The following HCRTR2 variants were observed in gnomAD, a reference collection of about 807,000 sequenced individuals.
HCRTR2 encodes hypocretin receptor 2.
HCRTR2 carries 22 observed loss-of-function variants against 49.0 expected under a neutral mutation model. The ratio of observed to expected loss-of-function variants is 0.45; its 90% CI spans 0.32 to 0.64. HCRTR2 has a LOEUF of 0.64. HCRTR2 is among the 30% of genes least tolerant of loss of function. The pLI is 0.04. For synonymous variants in HCRTR2, 236 were observed against 205.3 expected, an observed-to-expected ratio of 1.15 and a Z score of -1.28; for missense variants, 491 against 559.4, an observed-to-expected ratio of 0.88 and a Z score of 1.23.
At chr6:55,250,346 A>C (rs1766525721) in intron 2 of HCRTR2, among the ~76,000 whole-genome samples, 1 of 152,260 alleles carries the variant, frequency 6.6e-6, no homozygotes, top group East Asian at 1.9e-4. Context: ...TAGAGGCACT[A>C]GGAAAGTAAT....
chr6:55,183,448 C>G (rs1235586929), intron 1 of HCRTR2, among the ~76,000 whole-genome samples: 1 of 152,172 alleles, frequency 6.6e-6, no homozygotes. Flanking sequence ...TGAGGAGAGT[C>G]TGGAAATGAG....
At chr6:55,176,903 T>C (rs1765049800) in intron 1 of HCRTR2, among the ~76,000 whole-genome samples, 1 of 152,206 alleles carries the variant, frequency 6.6e-6, no homozygotes, top group African/African-American at 2.4e-5. Flanking sequence ...CAGTAATTTT[T>C]TTATGAATAG....
intron 4 of HCRTR2, among the ~76,000 whole-genome samples, chr6:55,270,534 C>G (rs955111622): frequency 2.0e-5 from 3 of 152,166 alleles, no homozygotes; most frequent in African/African-American, 7.2e-5. Context: ...TCTAGCTGCT[C>G]TAAAATCCCA....
chr6:55,150,752 T>G (rs193169073), intron 1 of HCRTR2, among the ~76,000 whole-genome samples: 1 of 152,020 alleles, frequency 6.6e-6, no homozygotes, highest in South Asian at 2.1e-4. Flanking sequence ...GAAATGGAGG[T>G]TGCTTCCATG....
intron 1 of HCRTR2, among the ~76,000 whole-genome samples, chr6:55,180,576 GT>G (rs5876429): frequency 0.26 from 39,964 of 152,066 alleles, 6,433 homozygotes; most frequent in Middle Eastern, 0.38. Flanking sequence ...TGTTCAGGGG[GT>G]TGACTCACTG....
upstream of HCRTR2, among the ~76,000 whole-genome samples, chr6:55,172,455 A>G (rs1263034329): frequency 6.6e-6 from 1 of 152,176 alleles, no homozygotes; most frequent in Non-Finnish European, 1.5e-5. Context: ...TGTATCACTA[A>G]GAGTGGAAAA....
intron 1 of HCRTR2, among the ~76,000 whole-genome samples, chr6:55,151,858 T>C (rs1317635353): frequency 6.6e-6 from 1 of 151,944 alleles, no homozygotes. Flanking sequence ...TGATGTTTTG[T>C]TAGCAGGCAT....
Position 55,277,385 on chromosome 6 carries a change from T to C in HCRTR2, c.768T>C (p.Pro256=). The C allele has an allele frequency of 1.2e-6, 2 of 1,612,734 alleles. No homozygotes were observed. Among genetic ancestry groups the C allele is most frequent in the African/African-American group, 1.3e-5 (1 of 75,026 alleles). Residue 256 remains proline, a synonymous_variant, in exon 5 of 7, where the codon CCT becomes CCC. Coordinates refer to ENST00000370862, the MANE Select transcript of HCRTR2 (RefSeq NM_001384272.1). ...TCTGTCTCTTCTCCTTTCAGATCCC[T>C]GGAACATCATCTGTAGTTCAGAGAA... ...IFRKLWCRQI[P]GTSSVVQRKW...
intron 1 of HCRTR2, among the ~76,000 whole-genome samples, chr6:55,134,171 G>A (rs1764402019): frequency 6.6e-6 from 1 of 151,480 alleles, no homozygotes; most frequent in South Asian, 2.1e-4. Flanking sequence ...TCATAAGTTG[G>A]GTGATAGTCC....
At chr6:55,215,652 G>A (rs1765774347) in intron 1 of HCRTR2, among the ~76,000 whole-genome samples, 1 of 152,174 alleles carries the variant, frequency 6.6e-6, no homozygotes, top group East Asian at 1.9e-4. Flanking sequence ...GTAAAAATAT[G>A]TAATTTGTGA....
chr6:55,210,912 T>G (rs1333513143), intron 1 of HCRTR2, among the ~76,000 whole-genome samples: 1 of 152,156 alleles, frequency 6.6e-6, no homozygotes, highest in Non-Finnish European at 1.5e-5. Context: ...ATGCACCACA[T>G]AGTGATGTTT....
chr6:55,219,862 GC>G (rs1200651982), intron 1 of HCRTR2, among the ~76,000 whole-genome samples: 5 of 151,882 alleles, frequency 3.3e-5, no homozygotes, highest in Non-Finnish European at 7.4e-5. Context: ...TAAAAAAGGA[GC>G]TATTGCAATC....
intron 4 of HCRTR2, among the ~76,000 whole-genome samples, chr6:55,270,457 G>T (rs1766951675): frequency 6.6e-6 from 1 of 152,078 alleles, no homozygotes; most frequent in Non-Finnish European, 1.5e-5. Context: ...TCTCAGAAAG[G>T]TTACCAACAC....
chr6:55,227,007 T>A (rs1766021750), intron 1 of HCRTR2, among the ~76,000 whole-genome samples: 1 of 152,172 alleles, frequency 6.6e-6, no homozygotes, highest in Non-Finnish European at 1.5e-5. Flanking sequence ...TTATAAAAGT[T>A]ATAGAATTTA....
chr6:55,113,785 T>C (rs974613870), intron 1 of HCRTR2, among the ~76,000 whole-genome samples: 1 of 151,882 alleles, frequency 6.6e-6, no homozygotes, highest in African/African-American at 2.4e-5. Flanking sequence ...TCCAGCAATC[T>C]GACTGCTGAG....
chr6:55,244,507 G>A (rs894875526), intron 1 of HCRTR2, among the ~76,000 whole-genome samples: 1 of 151,884 alleles, frequency 6.6e-6, no homozygotes, highest in African/African-American at 2.4e-5. Context: ...GAGATATTTT[G>A]GAGATTTCAA....
chr6:55,212,992 G>A (rs1317597447), intron 1 of HCRTR2, among the ~76,000 whole-genome samples: 1 of 152,074 alleles, frequency 6.6e-6, no homozygotes, highest in African/African-American at 2.4e-5. Context: ...TGTAGCTATG[G>A]CATTTGATTT....
intron 1 of HCRTR2, among the ~76,000 whole-genome samples, chr6:55,152,123 A>G (rs1055653414): frequency 2.6e-5 from 4 of 151,958 alleles, no homozygotes; most frequent in Non-Finnish European, 4.4e-5. Context: ...ACCAAGTTCT[A>G]TTTTTAATTA....
chr6:55,245,718 T>C (rs957090691), intron 1 of HCRTR2, among the ~76,000 whole-genome samples: 5 of 151,508 alleles, frequency 3.3e-5, no homozygotes, highest in African/African-American at 1.2e-4. Context: ...TGATGGGGAA[T>C]GAAAAGCCCA....
Sources: allele counts gnomAD v4.1 joint callset (sites outside exome capture counted in the v4.1 genomes callset), GRCh38; gene constraint gnomAD v4.1.1; transcripts MANE v1.5; gene names NCBI Gene and HGNC (gene_info 2026-07-23, HGNC 2026-07-21).